The following FDFT1 variants were observed in gnomAD, a reference collection of about 807,000 sequenced individuals.
FDFT1 encodes farnesyl-diphosphate farnesyltransferase 1, also known as squalene synthase.
A neutral mutation model predicts 46.8 loss-of-function variants in FDFT1; 68 were observed. That is an observed-to-expected ratio of 1.45 (90% CI 1.19 to 1.78). FDFT1 has a LOEUF of 1.78. FDFT1 is among the 40% of genes most tolerant of loss of function. The probability of loss-of-function intolerance (pLI) is 0.00; values close to 1 mark genes in which losing one functional copy is unlikely to be tolerated. For missense variants in FDFT1, 928 were observed against 524.4 expected, an observed-to-expected ratio of 1.77 and a Z score of -7.52; for synonymous variants, 351 against 185.1, an observed-to-expected ratio of 1.90 and a Z score of -7.28.
rs1489460644 is a variant in FDFT1 at position 11,830,338 on chromosome 8, C to T, written c.797C>T (p.Ala266Val). ...TGCCTGAATGAACTTATAACCAATG[C>T]ACTGCACCACATCCCAGATGTCATC... ...VQCLNELITN[A>V]LHHIPDVITY... Residue 266 changes from alanine (A) to valine (V), a missense_variant, in exon 6 of 8, where the codon GCA (alanine) becomes GTA (valine). Physicochemically the swap from Ala to Val is moderately conservative, Grantham distance 64. Coordinates refer to ENST00000220584, the MANE Select transcript of FDFT1 (RefSeq NM_004462.5). The T allele has an allele frequency of 6.2e-7, 1 of 1,613,668 alleles. No homozygotes were observed. The highest frequency in any genetic ancestry group is 8.5e-7 in the Non-Finnish European group (1 of 1,179,624).
Position 11,838,529 on chromosome 8 carries a change from C to A in FDFT1, c.1174C>A (p.Leu392Ile), listed in dbSNP as rs1046214777. Residue 392 changes from leucine to isoleucine, a missense_variant, in exon 8 of 8, where the codon CTT becomes ATT. By Grantham distance (5) the Leu-to-Ile change is conservative (BLOSUM62 2). Coordinates refer to ENST00000220584, the MANE Select transcript of FDFT1 (RefSeq NM_004462.5). ...CCCCATCTACCTGTCGTTTGTCATGCTTTTGGCTGCCCTGAGCTGGCAGTA... is the reference window on the plus strand; with the variant it reads ...CCCCATCTACCTGTCGTTTGTCATGATTTTGGCTGCCCTGAGCTGGCAGTA... The part of the protein sequence containing the change: ...YSPIYLSFVM[L>I]LAALSWQYLT... 1.2e-6 allele frequency: 2 copies of A among 1,610,152 alleles called. No homozygotes were observed. Among genetic ancestry groups the A allele is most frequent in the African/African-American group, 2.7e-5 (2 of 74,858 alleles).
intron 3 of FDFT1, among the ~76,000 whole-genome samples, chr8:11,820,232 C>T (rs1563320096): frequency 1.3e-5 from 2 of 152,110 alleles, no homozygotes; most frequent in East Asian, 1.9e-4. Context: ...CCAAGAAGGA[C>T]ACCCACCTAT....
At chr8:11,832,605 T>G (rs1810992489) in intron 7 of FDFT1, among the ~76,000 whole-genome samples, 1 of 137,168 alleles carries the variant, frequency 7.3e-6, no homozygotes, top group East Asian at 2.2e-4. Flanking sequence ...CTTTGTAATC[T>G]CTAATAATCT....
At chr8:11,820,370 G>C (rs1318312312) in intron 3 of FDFT1, among the ~76,000 whole-genome samples, 1 of 152,194 alleles carries the variant, frequency 6.6e-6, no homozygotes, top group East Asian at 1.9e-4. Context: ...GAGAACCACT[G>C]CTCTCTTCAG....
chr8:11,810,580 T>C (rs1308239147), intron 3 of FDFT1, among the ~76,000 whole-genome samples: 5 of 152,206 alleles, frequency 3.3e-5, no homozygotes, highest in African/African-American at 4.8e-5. Context: ...CTATTTGGTC[T>C]ATTTTGTTGG....
chr8:11,805,079 C>A (rs981563046), intron 1 of FDFT1, among the ~76,000 whole-genome samples: 2 of 87,544 alleles, frequency 2.3e-5, no homozygotes, highest in African/African-American at 7.1e-5. Context: ...CAATGCATGG[C>A]TAATTTTTAA....
chr8:11,801,510 C>G (rs1806114326), upstream of FDFT1, among the ~76,000 whole-genome samples: 2 of 152,170 alleles, frequency 1.3e-5, no homozygotes, highest in Admixed American at 6.5e-5. Flanking sequence ...AGTAGAGACG[C>G]AGTTTCAGCA....
chr8:11,838,246 A>T (rs1250954822), intron 7 of FDFT1, 142 bp from the exon 8 acceptor site: 1 of 672,980 alleles, frequency 1.5e-6, no homozygotes, highest in African/African-American at 1.8e-5. Context: ...GGCTTTGGGT[A>T]AGTTATGTTC....
At chr8:11,826,507 A>G (rs572063649) in intron 5 of FDFT1, among the ~76,000 whole-genome samples, 2 of 152,256 alleles carry the variant, frequency 1.3e-5, no homozygotes, top group East Asian at 1.9e-4. Context: ...AGCTTAACAA[A>G]AAGTTCTTAG....
exon 1 of FDFT1, chr8:11,795,644 T>C (rs1400135226): frequency 6.6e-6 from 1 of 151,792 alleles, no homozygotes. Context: ...TAAATTTTAA[T>C]ACTTGTCTGT....
Position 11,830,381 on chromosome 8 carries a change from C to T in FDFT1, c.840C>T (p.Leu280=). The change falls in exon 6 of 8, where the codon CTC becomes CTT. Residue 280 remains leucine (L), a synonymous_variant. Coordinates refer to ENST00000220584, the MANE Select transcript of FDFT1 (RefSeq NM_004462.5). ...ATGTCATCACCTACCTTTCGAGACT[C>T]AGAAACCAGAGTGTGTTTAACTTCT... ...IPDVITYLSR[L]RNQSVFNFCA... is the part of the protein sequence containing the mutation. 5 of 1,613,816 alleles carry T rather than the reference C, an allele frequency of 3.1e-6. No homozygotes were observed. The African/African-American group carries it at 5.3e-5, about 17-fold the overall frequency.
At chr8:11,805,061 C>T (rs539080975) in intron 1 of FDFT1, among the ~76,000 whole-genome samples, 3 of 148,888 alleles carry the variant, frequency 2.0e-5, no homozygotes, top group African/African-American at 7.4e-5. Context: ...ACTCCAGGCA[C>T]GTGTCACCAA....
At chr8:11,836,068 G>T (rs1293325) in intron 7 of FDFT1, among the ~76,000 whole-genome samples, 2 of 149,634 alleles carry the variant, frequency 1.3e-5, no homozygotes, top group African/African-American at 4.9e-5. Flanking sequence ...CAGGAGAATC[G>T]CATGAACCTG....
intron 3 of FDFT1, among the ~76,000 whole-genome samples, chr8:11,819,980 G>C (rs1017702023): frequency 2.6e-5 from 4 of 152,124 alleles, no homozygotes; most frequent in African/African-American, 9.7e-5. Context: ...CATCTTTGTG[G>C]TTTTATCTAC....
chr8:11,817,518 TATTA>T (rs761869867), intron 3 of FDFT1, among the ~76,000 whole-genome samples: 3 of 152,236 alleles, frequency 2.0e-5, no homozygotes, highest in Non-Finnish European at 4.4e-5. Context: ...GTTGGTAGGC[TATTA>T]ATTATTGCCT....
Position 11,837,658 on chromosome 8 carries a change from G to C in FDFT1, c.1033-730G>C, listed in dbSNP as rs569366964. 2.1e-4 allele frequency among the ~76,000 whole-genome samples: 32 copies of C among 152,170 alleles called. 1 individual carries two copies. Among genetic ancestry groups the C allele is most frequent in the African/African-American group, 7.7e-4 (32 of 41,520 alleles). ...ACAGAGCTCAGGCTTTTTTTCTCCA[G>C]GTGAGAGGGCTGGTGCCACTGAGGC... is the stretch of plus-strand genomic sequence containing the variant. On this transcript the variant is annotated intron_variant, in intron 7 of 7. Coordinates refer to ENST00000220584, the MANE Select transcript of FDFT1 (RefSeq NM_004462.5).
In FDFT1 at chr8:11,837,994, G is replaced by A. The variant is rs550145143; in HGVS notation, c.1033-394G>A. 3.3e-5 allele frequency among the ~76,000 whole-genome samples: 5 copies of A among 152,304 alleles called. No individual in the cohort carries two copies. The South Asian group carries it at 6.2e-4, about 19-fold the overall frequency. On this transcript the variant is annotated intron_variant, in intron 7 of 7. Coordinates refer to ENST00000220584, the MANE Select transcript of FDFT1 (RefSeq NM_004462.5). ...GCGTGTTCCATCTTGTTTCTAAGCT[G>A]CTTTTGCCCAGTCTTTCCAGCATTT...
Position 11,830,318 on chromosome 8 carries a change from G to C in FDFT1, c.777G>C (p.Leu259=), listed in dbSNP as rs1810597940. 3.1e-6 allele frequency: 5 copies of C among 1,613,562 alleles called. No homozygotes were observed. Among genetic ancestry groups the C allele is most frequent in the East Asian group, 2.2e-5 (1 of 44,876 alleles). The change falls in exon 6 of 8, where the codon CTG becomes CTC. Residue 259 remains leucine, a synonymous_variant. Transcript: ENST00000220584. ...PENIDLAVQC[L]NELITNALHH... ...ATATTGACTTGGCCGTGCAGTGCCT[G>C]AATGAACTTATAACCAATGCACTGC...
intron 3 of FDFT1, among the ~76,000 whole-genome samples, chr8:11,811,660 G>A (rs912973881): frequency 2.0e-5 from 3 of 152,172 alleles, no homozygotes; most frequent in African/African-American, 4.8e-5. Flanking sequence ...TGAACTCATC[G>A]TTTTCTTTTT....
Sources: allele counts gnomAD v4.1 joint callset (sites outside exome capture counted in the v4.1 genomes callset), GRCh38; gene constraint gnomAD v4.1.1; transcripts MANE v1.5; gene names NCBI Gene and HGNC (gene_info 2026-07-23, HGNC 2026-07-21).